Variants in PROS1 observed in about 807,000 individuals in gnomAD.
PROS1 encodes protein S.
Under a neutral mutation model 75.9 loss-of-function variants are expected in PROS1, and 29 were observed. The ratio of observed to expected loss-of-function variants is 0.38; its 90% CI spans 0.28 to 0.52. The LOEUF is 0.52. PROS1 is among the 20% of genes least tolerant of loss of function. The pLI, the probability that PROS1 is intolerant of heterozygous loss-of-function variation, is 0.83. For synonymous variants in PROS1, 245 were observed against 280.6 expected, an observed-to-expected ratio of 0.87 and a Z score of 1.27; for missense variants, 680 against 810.3, an observed-to-expected ratio of 0.84 and a Z score of 1.95.
At chr3:93,893,211 AAC>A in intron 9 of PROS1, 89 bp from the exon 10 acceptor site, 1 of 1,152,390 alleles carries the variant, frequency 8.7e-7, no homozygotes, top group Non-Finnish European at 1.3e-6. Flanking sequence ...GACAAACAGT[AAC>A]ACAGACAAAG....
At chr3:93,946,313 T>A (rs1437488519) in intron 1 of PROS1, among the ~76,000 whole-genome samples, 2 of 152,120 alleles carry the variant, frequency 1.3e-5, no homozygotes, top group Non-Finnish European at 2.9e-5. Context: ...TATTTTGAAG[T>A]TTATATGGAA....
At chr3:93,906,655 G>A (rs917644906) in intron 4 of PROS1, among the ~76,000 whole-genome samples, 1 of 152,242 alleles carries the variant, frequency 6.6e-6, no homozygotes, top group Non-Finnish European at 1.5e-5. Context: ...GGTGGGACAA[G>A]AGTCCCCTGA....
intron 1 of PROS1, among the ~76,000 whole-genome samples, chr3:93,932,128 GCTGAC>G (rs1467933045): frequency 2.6e-5 from 4 of 152,190 alleles, no homozygotes; most frequent in Non-Finnish European, 5.9e-5. Flanking sequence ...TATTCACCCT[GCTGAC>G]ATGCAGCAAT....
intron 1 of PROS1, among the ~76,000 whole-genome samples, chr3:93,940,668 TCTA>T (rs1709270138): frequency 6.6e-6 from 1 of 151,982 alleles, no homozygotes; most frequent in African/African-American, 2.4e-5. Context: ...TCCCCCTACT[TCTA>T]CTACCTCCCT....
intron 1 of PROS1, among the ~76,000 whole-genome samples, chr3:93,942,817 C>T (rs1427172067): frequency 2.0e-5 from 3 of 152,162 alleles, no homozygotes; most frequent in Non-Finnish European, 1.5e-5. Flanking sequence ...GTTCCATCTG[C>T]TCTTCTACTA....
chr3:93,960,137 T>C (rs1709678823), intron 1 of PROS1, among the ~76,000 whole-genome samples: 1 of 152,000 alleles, frequency 6.6e-6, no homozygotes, highest in African/African-American at 2.4e-5. Flanking sequence ...CTTCATTGAG[T>C]TTTAACTATT....
At chr3:93,921,084 A>G (rs1708938318) in intron 3 of PROS1, among the ~76,000 whole-genome samples, 1 of 152,120 alleles carries the variant, frequency 6.6e-6, no homozygotes. Context: ...GGGTCTTACT[A>G]TGTTATCCAG....
intron 12 of PROS1, among the ~76,000 whole-genome samples, chr3:93,879,996 T>C (rs1438921644): frequency 6.6e-6 from 1 of 152,208 alleles, no homozygotes; most frequent in Non-Finnish European, 1.5e-5. Context: ...AATTAATATG[T>C]TTCCAGAATA....
chr3:93,970,146 G>C (rs932330985), intron 1 of PROS1, among the ~76,000 whole-genome samples: 11 of 152,110 alleles, frequency 7.2e-5, no homozygotes, highest in African/African-American at 2.2e-4. Context: ...GGAATAGTTA[G>C]AGAAAGAAAG....
chr3:93,877,485 A>T (rs1456182350), intron 13 of PROS1, among the ~76,000 whole-genome samples: 1 of 152,228 alleles, frequency 6.6e-6, no homozygotes, highest in Non-Finnish European at 1.5e-5. Flanking sequence ...GGAGTGTCTT[A>T]TATCTTTCTG....
rs779787688 is a variant in PROS1, at chr3:93,886,398, G to A, written c.1261C>T (p.Leu421=). The A allele has an allele frequency of 1.9e-6, 3 of 1,613,760 alleles. No homozygotes were observed. In the South Asian group the frequency reaches 3.3e-5, roughly 18 times the overall value. The part of the protein sequence containing the change: ...GPLFKPENGL[L]ETKVYFAGFP... ...CCTGCAAAGTATACTTTGGTTTCCA[G>A]CAATCCATTTTCCGGCTTAAAAAGG... is the stretch of plus-strand genomic sequence containing the variant. The change falls in exon 11 of 15, where the codon CTG becomes TTG. Residue 421 remains leucine (L), a synonymous_variant. Transcript: ENST00000394236.
intron 1 of PROS1, among the ~76,000 whole-genome samples, chr3:93,934,465 T>C (rs1174940986): frequency 2.0e-5 from 3 of 152,198 alleles, no homozygotes; most frequent in African/African-American, 7.2e-5. Context: ...TTGTATCACA[T>C]TGAGGATTAT....
chr3:93,914,449 C>T (rs1335668239), intron 3 of PROS1, among the ~76,000 whole-genome samples: 2 of 152,092 alleles, frequency 1.3e-5, no homozygotes, highest in African/African-American at 4.8e-5. Flanking sequence ...CCCACTTGAG[C>T]CATGGATGGG....
intron 1 of PROS1, among the ~76,000 whole-genome samples, chr3:93,961,424 G>A (rs1369173847): frequency 6.6e-6 from 1 of 152,202 alleles, no homozygotes; most frequent in Admixed American, 6.5e-5. Flanking sequence ...TGGCGGGAAT[G>A]GTGAGAGGTC....
chr3:93,955,884 T>C (rs2107251840), intron 1 of PROS1, among the ~76,000 whole-genome samples: 1 of 152,292 alleles, frequency 6.6e-6, no homozygotes, highest in South Asian at 2.1e-4. Context: ...ATATTCAATT[T>C]TACACTGATG....
intron 10 of PROS1, among the ~76,000 whole-genome samples, chr3:93,891,488 C>A (rs1216205924): frequency 1.3e-5 from 2 of 152,140 alleles, no homozygotes; most frequent in East Asian, 3.9e-4. Flanking sequence ...AGTGCAGTGG[C>A]GTGATCTCGG....
At chr3:93,931,025 A>T (rs551130392) in intron 1 of PROS1, among the ~76,000 whole-genome samples, 1 of 152,342 alleles carries the variant, frequency 6.6e-6, no homozygotes, top group South Asian at 2.1e-4. Context: ...ATTTGCACTA[A>T]ATTTGGATTT....
chr3:93,917,971 C>T (rs1708884786), intron 3 of PROS1, among the ~76,000 whole-genome samples: 1 of 152,174 alleles, frequency 6.6e-6, no homozygotes, highest in Non-Finnish European at 1.5e-5. Context: ...GGAGTGCGGG[C>T]ACACGGCTTG....
intron 1 of PROS1, among the ~76,000 whole-genome samples, chr3:93,967,745 T>C (rs1444256315): frequency 6.6e-6 from 1 of 152,044 alleles, no homozygotes; most frequent in Non-Finnish European, 1.5e-5. Context: ...AGAACATTAG[T>C]TGGTGTAATG....
Sources: allele counts gnomAD v4.1 joint callset (sites outside exome capture counted in the v4.1 genomes callset), GRCh38; gene constraint gnomAD v4.1.1; transcripts MANE v1.5; gene names NCBI Gene and HGNC (gene_info 2026-07-23, HGNC 2026-07-21).